FADS6: variants seen among roughly 807,000 people sequenced by gnomAD.
The protein encoded by FADS6 is fatty acid desaturase 6, also known as fatty acid desaturase domain family, member 6.
Under a neutral mutation model 31.7 loss-of-function variants are expected in FADS6, and 28 were observed. The observed-to-expected ratio is 0.88, with a 90% confidence interval of 0.66 to 1.21. The LOEUF (loss-of-function observed/expected upper bound fraction) is 1.21, where lower values mean the gene tolerates loss of function less well. FADS6 is among the 50% of genes most tolerant of loss of function. The pLI, the probability that FADS6 is intolerant of heterozygous loss-of-function variation, is 0.00. For synonymous variants in FADS6, 191 were observed against 213.1 expected, an observed-to-expected ratio of 0.90 and a Z score of 0.90; for missense variants, 494 against 504.2, an observed-to-expected ratio of 0.98 and a Z score of 0.19.
At chr17:74,880,942 C>T (rs1282576832) in intron 4 of FADS6, 126 bp downstream of exon 4, 10 of 992,438 alleles carry the variant, frequency 1.0e-5, no homozygotes, top group South Asian at 1.7e-5. Context: ...GTGATGAGAG[C>T]GAGAGGGAGG....
chr17:74,888,382 A>G (rs1467885852), intron 2 of FADS6, among the ~76,000 whole-genome samples: 1 of 152,192 alleles, frequency 6.6e-6, no homozygotes, highest in Non-Finnish European at 1.5e-5. Context: ...AATAAATACT[A>G]AAAATTAAAA....
At chr17:74,893,280 G>C in intron 1 of FADS6, 72 bp downstream of exon 1, 2 of 1,426,528 alleles carry the variant, frequency 1.4e-6, no homozygotes, top group Non-Finnish European at 1.8e-6. Flanking sequence ...TGCAGACCCC[G>C]CGCCGCCACC....
chr17:74,884,120 G>A (rs1032840657), intron 2 of FADS6, among the ~76,000 whole-genome samples: 1 of 152,138 alleles, frequency 6.6e-6, no homozygotes, highest in African/African-American at 2.4e-5. Context: ...GCTCATTGCC[G>A]ACTGTACGGG....
intron 2 of FADS6, 119 bp from the exon 3 acceptor site, chr17:74,882,829 T>C (rs1422708518): frequency 7.2e-6 from 11 of 1,530,668 alleles, no homozygotes; most frequent in Non-Finnish European, 9.6e-6. Context: ...TCCAGGGCCG[T>C]CCTGCCTTAC....
chr17:74,877,826 T>TA lies in FADS6; in HGVS notation c.*504dup. On this transcript the variant is annotated 3_prime_UTR_variant, in exon 6 of 6. Transcript: ENST00000612771. Reference sequence around the variant, plus strand: ...AGGCCTGCCAAAAGCAAGCTCACCCTAAGGTCCCCGGGGAGAGGGCACCTT... The same window carrying TA: ...AGGCCTGCCAAAAGCAAGCTCACCCTAAAGGTCCCCGGGGAGAGGGCACCTT... 2.0e-6 allele frequency: 2 copies of TA among 986,426 alleles called. No homozygotes were observed. Among genetic ancestry groups the TA allele is most frequent in the Non-Finnish European group, 2.4e-6 (2 of 830,708 alleles). 61.1% of individuals were successfully genotyped at this position (986,426 alleles called of 1,614,324 possible).
chr17:74,885,633 C>T (rs2038614836), intron 2 of FADS6, among the ~76,000 whole-genome samples: 1 of 152,072 alleles, frequency 6.6e-6, no homozygotes, highest in East Asian at 1.9e-4. Flanking sequence ...GCACCTCTTC[C>T]TTCTCCCCAC....
intron 2 of FADS6, among the ~76,000 whole-genome samples, chr17:74,892,097 G>T (rs1033769723): frequency 6.6e-6 from 1 of 152,200 alleles, no homozygotes; most frequent in African/African-American, 2.4e-5. Flanking sequence ...GCTGACCCCG[G>T]GGAGCAGGGG....
rs776036274 is a variant in FADS6, at chr17:74,882,854, C to A, written c.412-144G>T. ...TCCTGCCTTACAGCCCCAGCTAATC[C>A]GCTTTGACCATCAACTCTCAGGTAT... is the stretch of plus-strand genomic sequence containing the variant. On this transcript the variant is annotated intron_variant, in intron 2 of 5. Coordinates refer to ENST00000612771, the MANE Select transcript of FADS6 (RefSeq NM_178128.6). 2.6e-6 allele frequency: 4 copies of A among 1,511,956 alleles called. No individual in the cohort carries two copies. In the African/African-American group the frequency reaches 5.5e-5, roughly 21 times the overall value. The allele number at this position is 1,511,956 out of a possible 1,614,324, so 93.7% of individuals were successfully genotyped here. A position where few individuals can be genotyped will look rare whatever the true frequency, so the allele number is the denominator to read the frequency against.
chr17:74,880,919 G>A lies in FADS6; in HGVS notation c.780+149C>T, dbSNP rs2038560315. On this transcript the variant is annotated intron_variant, in intron 4 of 5. Transcript: ENST00000612771. ...GCAGGCAGGGTCTCTCCAGGACGAGGCGAGGGCACAGTGTGATGAGAGCGA... is the reference window on the plus strand; with the variant it reads ...GCAGGCAGGGTCTCTCCAGGACGAGACGAGGGCACAGTGTGATGAGAGCGA... The A allele has an allele frequency of 8.7e-6, 7 of 801,774 alleles. No homozygotes were observed. The South Asian group carries it at 9.6e-5, about 11-fold the overall frequency. 49.7% of individuals were successfully genotyped at this position (801,774 alleles called of 1,614,324 possible). A position where few individuals can be genotyped will look rare whatever the true frequency, so the allele number is the denominator to read the frequency against.
intron 2 of FADS6, among the ~76,000 whole-genome samples, chr17:74,883,035 G>A (rs1158800505): frequency 6.6e-6 from 1 of 152,254 alleles, no homozygotes; most frequent in African/African-American, 2.4e-5. Context: ...TGGAGGCACT[G>A]CAGGTGATGA....
At position 74,882,599 on chromosome 17, in the gene FADS6, G is replaced by C. The variant is rs2038582741; in HGVS notation, c.523C>G (p.Leu175Val). ...AGGAACATGTAGACATAGCGGTTGAGGCAAGGCAGCCTCCACGTGCTGGAG... is the reference window on the plus strand; with the variant it reads ...AGGAACATGTAGACATAGCGGTTGACGCAAGGCAGCCTCCACGTGCTGGAG... ...GDSSTWRLPCLNRYVYMFLAP... is the reference protein window; with the variant it reads ...GDSSTWRLPCVNRYVYMFLAP... The change falls in exon 3 of 6, where the codon CTC becomes GTC. Residue 175 changes from leucine (L) to valine (V), a missense_variant. This residue lies in a region of FADS6 where 454 missense variants were observed against 438.5 expected (regional missense o/e 1.04). Coordinates refer to ENST00000612771, the MANE Select transcript of FADS6 (RefSeq NM_178128.6). The C allele has an allele frequency of 1.9e-6, 3 of 1,611,832 alleles. No individual in the cohort carries two copies.
intron 2 of FADS6, among the ~76,000 whole-genome samples, chr17:74,891,097 GC>G (rs1310694289): frequency 4.7e-5 from 7 of 148,696 alleles, no homozygotes; most frequent in African/African-American, 1.7e-4. Flanking sequence ...ACTCAGTACA[GC>G]TTTTTTCTTT....
intron 3 of FADS6, among the ~76,000 whole-genome samples, chr17:74,881,495 C>T (rs767899324): frequency 7.2e-5 from 11 of 152,134 alleles, no homozygotes; most frequent in South Asian, 2.1e-4. Flanking sequence ...CCTAGGAGTT[C>T]GAGACCAGCC....
At chr17:74,888,607 G>T (rs1029634889) in intron 2 of FADS6, among the ~76,000 whole-genome samples, 8 of 152,114 alleles carry the variant, frequency 5.3e-5, no homozygotes, top group Non-Finnish European at 2.9e-5. Flanking sequence ...CTCCTACAAG[G>T]TGCCCTTCCC....
chr17:74,891,891 C>T (rs1006412311), intron 2 of FADS6, among the ~76,000 whole-genome samples: 28 of 152,320 alleles, frequency 1.8e-4, no homozygotes, highest in Middle Eastern at 3.4e-3. Flanking sequence ...GACCAGGCGA[C>T]GGTCCCCCTG....
At chr17:74,883,209 G>A (rs1053935447) in intron 2 of FADS6, among the ~76,000 whole-genome samples, 8 of 152,228 alleles carry the variant, frequency 5.3e-5, no homozygotes, top group South Asian at 2.1e-4. Flanking sequence ...GGTGGGGGCG[G>A]TGCCCTGGTG....
In FADS6 at chr17:74,877,304, T is replaced by C. The variant is rs867090785; in HGVS notation, c.*1027A>G. The C allele has an allele frequency of 1.4e-5, 2 of 143,444 alleles. No homozygotes were observed. Among genetic ancestry groups the C allele is most frequent in the African/African-American group, 5.6e-5 (2 of 35,498 alleles). 8.9% of individuals were successfully genotyped at this position (143,444 alleles called of 1,614,324 possible). ...GTCACATTCAAAGTTATTTATTCTT[T>C]TTTTTTTTTTTGAACGGGAGTCTTA... On this transcript the variant is annotated 3_prime_UTR_variant, in exon 6 of 6. Transcript: ENST00000612771.
intron 3 of FADS6, among the ~76,000 whole-genome samples, chr17:74,881,992 A>G (rs556685788): frequency 4.7e-4 from 71 of 151,932 alleles, no homozygotes; most frequent in African/African-American, 1.6e-3. Flanking sequence ...CTGGAGTGCA[A>G]TGGTGAGATC....
chr17:74,892,172 C>A (rs554484200), intron 2 of FADS6, among the ~76,000 whole-genome samples: 67 of 152,322 alleles, frequency 4.4e-4, no homozygotes, highest in African/African-American at 1.5e-3. Context: ...AAGGACGCTG[C>A]CCCTTGTGGA....
Sources: gnomAD v4.1 joint callset for allele counts (sites outside exome capture counted in the v4.1 genomes callset) on GRCh38, gnomAD v4.1.1 for gene constraint, gnomAD v4.1.1 regional missense constraint, MANE v1.5 for transcripts, NCBI Gene and HGNC (gene_info 2026-07-23, HGNC 2026-07-21) for gene names.